PIK3C2G: variants seen among roughly 807,000 people sequenced by gnomAD.
PIK3C2G encodes phosphatidylinositol 3-kinase C2 domain-containing subunit gamma.
Under a neutral mutation model 181.1 loss-of-function variants are expected in PIK3C2G, and 168 were observed. The ratio of observed to expected loss-of-function variants is 0.93; its 90% CI spans 0.82 to 1.05. The LOEUF is 1.05. Ranked by LOEUF, PIK3C2G falls within the 50% of genes least tolerant of loss-of-function variation. The probability of loss-of-function intolerance (pLI) is 0.00; values close to 1 mark genes in which losing one functional copy is unlikely to be tolerated. For synonymous variants in PIK3C2G, 573 were observed against 592.2 expected, an observed-to-expected ratio of 0.97 and a Z score of 0.47; for missense variants, 1,869 against 1,732.8, an observed-to-expected ratio of 1.08 and a Z score of -1.40.
chr12:18,531,354 A>G (rs1468058827), intron 24 of PIK3C2G, among the ~76,000 whole-genome samples: 1 of 152,196 alleles, frequency 6.6e-6, no homozygotes, highest in African/African-American at 2.4e-5. Flanking sequence ...GTTGTAATAA[A>G]TAATACAAAG....
chr12:18,499,060 T>C (rs537560920), intron 22 of PIK3C2G, among the ~76,000 whole-genome samples: 1 of 152,364 alleles, frequency 6.6e-6, no homozygotes, highest in Admixed American at 6.5e-5. Context: ...AGTGGAATTT[T>C]TAAATTTCAT....
chr12:18,389,171 T>C (rs1304420305), intron 14 of PIK3C2G, among the ~76,000 whole-genome samples: 7 of 151,958 alleles, frequency 4.6e-5, no homozygotes, highest in Non-Finnish European at 8.8e-5. Flanking sequence ...GCTAACATGG[T>C]GAAACCCCGT....
chr12:18,425,548 C>T (rs544913053), intron 18 of PIK3C2G, among the ~76,000 whole-genome samples: 2 of 151,816 alleles, frequency 1.3e-5, no homozygotes, highest in African/African-American at 4.8e-5. Flanking sequence ...CACACCACCA[C>T]GCCTGGCTAA....
chr12:18,298,541 T>A (rs752540141), intron 5 of PIK3C2G, among the ~76,000 whole-genome samples: 5 of 151,866 alleles, frequency 3.3e-5, no homozygotes, highest in Non-Finnish European at 5.9e-5. Flanking sequence ...GCAGGAGCTT[T>A]TTAGTTTAAT....
the PIK3C2G span, among the ~76,000 whole-genome samples, chr12:18,675,916 T>A: frequency 1.3e-5 from 2 of 152,020 alleles, no homozygotes; most frequent in Admixed American, 1.3e-4. Context: ...TTGGGTACAA[T>A]GTTAACTATT....
rs772485206 is a variant in PIK3C2G, at chr12:18,503,353, T to C, written c.3089T>C (p.Leu1030Ser). The change falls in exon 23 of 33, where the codon TTG becomes TCG. Residue 1030 changes from leucine (L) to serine (S), a missense_variant. By Grantham distance (145) the Leu-to-Ser change is moderately radical. Transcript: ENST00000538779. ...CGCCATTCTGGACTGATAGGACCAT[T>C]GAAAGAAAATACAATTAAAAAGTGG... ...IHRHSGLIGPLKENTIKKWFS... is the reference protein window; with the variant it reads ...IHRHSGLIGPSKENTIKKWFS... The C allele has an allele frequency of 1.2e-6, 2 of 1,611,862 alleles. No individual in the cohort carries two copies. The highest frequency in any genetic ancestry group is 1.7e-6 in the Non-Finnish European group (2 of 1,178,358).
intron 9 of PIK3C2G, among the ~76,000 whole-genome samples, chr12:18,339,256 TATG>T (rs1938884150): frequency 1.3e-5 from 2 of 152,286 alleles, no homozygotes; most frequent in Admixed American, 6.5e-5. Flanking sequence ...AGCAGAAAGA[TATG>T]ATGATAATAA....
At chr12:18,470,212 A>T (rs1029601537) in intron 18 of PIK3C2G, among the ~76,000 whole-genome samples, 2 of 152,102 alleles carry the variant, frequency 1.3e-5, no homozygotes, top group African/African-American at 4.8e-5. Flanking sequence ...AGCAGTTAAG[A>T]TTATAACTGA....
rs1286383714 is a variant in PIK3C2G, at chr12:18,282,301, A to T, written c.220A>T (p.Thr74Ser). 1 of 1,613,438 alleles carries T rather than the reference A, an allele frequency of 6.2e-7. No individual in the cohort carries two copies. Among genetic ancestry groups the T allele is most frequent in the Admixed American group, 1.7e-5 (1 of 59,992 alleles). ...GCCCACTGCACCAAAATGGGACTCA[A>T]CAGGGCATTCATTAAATGAAGCACA... is the stretch of plus-strand genomic sequence containing the variant. ...FVPTAPKWDSTGHSLNEAHQI... is the reference protein window; with the variant it reads ...FVPTAPKWDSSGHSLNEAHQI... Residue 74 changes from threonine (T) to serine (S), a missense_variant, in exon 2 of 33, where the codon ACA becomes TCA. Physicochemically the swap from Thr to Ser is moderately conservative, Grantham distance 58. Transcript: ENST00000538779.
chr12:18,290,015 A>C (rs2137187099), intron 3 of PIK3C2G, among the ~76,000 whole-genome samples: 1 of 152,348 alleles, frequency 6.6e-6, no homozygotes, highest in African/African-American at 2.4e-5. Context: ...GGTAACATAT[A>C]ATGACAATTA....
intron 18 of PIK3C2G, among the ~76,000 whole-genome samples, chr12:18,483,171 G>C (rs759657843): frequency 1.7e-4 from 26 of 152,124 alleles, no homozygotes; most frequent in Non-Finnish European, 3.4e-4. Flanking sequence ...CATTAGGGTA[G>C]AGCCGAAGTT....
chr12:18,339,915 T>A (rs899637872), intron 9 of PIK3C2G, among the ~76,000 whole-genome samples: 7 of 152,252 alleles, frequency 4.6e-5, no homozygotes, highest in East Asian at 3.9e-4. Flanking sequence ...AATCAAAATT[T>A]AAATAATGTA....
intron 24 of PIK3C2G, among the ~76,000 whole-genome samples, chr12:18,532,245 A>T (rs945747673): frequency 6.6e-6 from 1 of 151,954 alleles, no homozygotes; most frequent in Non-Finnish European, 1.5e-5. Flanking sequence ...TTTATGGTTA[A>T]ATTTTGAGAA....
rs1364777699 is a variant in PIK3C2G at position 18,290,954 on chromosome 12, G to C, written c.861G>C (p.Lys287Asn). The change falls in exon 4 of 33, where the codon AAG (lysine) becomes AAC (asparagine). Residue 287 changes from lysine (K) to asparagine (N), a missense_variant. Physicochemically the swap from Lys to Asn is moderately conservative, Grantham distance 94. Coordinates refer to ENST00000538779, the MANE Select transcript of PIK3C2G (RefSeq NM_001288772.2). ...AFPYQLFSKT[K>N]FNIHIFIDNS... is the part of the protein sequence containing the mutation. ...CGTATCAGCTCTTTTCTAAGACCAAGTTTAATATACATATTTTTATTGATA... is the reference window on the plus strand; with the variant it reads ...CGTATCAGCTCTTTTCTAAGACCAACTTTAATATACATATTTTTATTGATA... The C allele has an allele frequency of 1.9e-6, 3 of 1,592,648 alleles. No individual in the cohort carries two copies. Among genetic ancestry groups the C allele is most frequent in the African/African-American group, 2.7e-5 (2 of 74,512 alleles).
chr12:18,474,285 C>T (rs565142243), intron 18 of PIK3C2G, among the ~76,000 whole-genome samples: 8 of 152,208 alleles, frequency 5.3e-5, no homozygotes, highest in African/African-American at 1.9e-4. Context: ...TCAGATATAG[C>T]CAACTCCTTA....
At chr12:18,470,665 C>T (rs560879325) in intron 18 of PIK3C2G, among the ~76,000 whole-genome samples, 2 of 152,188 alleles carry the variant, frequency 1.3e-5, no homozygotes, top group African/African-American at 4.8e-5. Context: ...CTTGCCACCT[C>T]GTCTCTCAGC....
At chr12:18,382,719 A>G (rs1942922555) in intron 14 of PIK3C2G, among the ~76,000 whole-genome samples, 1 of 152,092 alleles carries the variant, frequency 6.6e-6, no homozygotes. Context: ...CTCATTCTGA[A>G]AATCAAAGAA....
At position 18,598,944 on chromosome 12, in the gene PIK3C2G, T is replaced by G. The variant is rs1359006995; in HGVS notation, c.4087+4375T>G. On this transcript the variant is annotated intron_variant, in intron 30 of 32. Transcript: ENST00000538779. ...AGAGAAATGCAAATCAAAACCACAA[T>G]GAGATACCATCTCACACCAGTTAGA... Among the ~76,000 whole-genome samples the G allele has an allele frequency of 6.7e-3, 1,007 of 150,990 alleles. 8 individuals are homozygous for G. The highest frequency in any genetic ancestry group is 0.023 in the African/African-American group (964 of 41,232).
In PIK3C2G at chr12:18,491,606, A is replaced by G. The variant is rs1940578881; in HGVS notation, c.2793+48A>G. 6 of 1,071,688 alleles carry G rather than the reference A, an allele frequency of 5.6e-6. No individual in the cohort carries two copies. In the African/African-American group the frequency reaches 7.9e-5, roughly 14 times the overall value. 66.4% of individuals were successfully genotyped at this position (1,071,688 alleles called of 1,614,324 possible). A position where few individuals can be genotyped will look rare whatever the true frequency, so the allele number is the denominator to read the frequency against. On this transcript the variant is annotated intron_variant, in intron 20 of 32. Transcript: ENST00000538779. ...TTAATGGAATATTTCTGTTTTGTAT[A>G]GTTTAGTTCATTGTATATGTTTGAA...
Sources: gnomAD v4.1 joint callset for allele counts (sites outside exome capture counted in the v4.1 genomes callset) on GRCh38, gnomAD v4.1.1 for gene constraint, MANE v1.5 for transcripts, NCBI Gene and HGNC (gene_info 2026-07-23, HGNC 2026-07-21) for gene names.